Variants in FOXN3 observed in about 807,000 individuals in gnomAD.
The protein encoded by FOXN3 is forkhead box protein N3.
A neutral mutation model predicts 38.4 loss-of-function variants in FOXN3; 7 were observed. That is an observed-to-expected ratio of 0.18 (90% CI 0.10 to 0.34). The LOEUF is 0.34. Ranked by LOEUF, FOXN3 falls within the 10% of genes least tolerant of loss-of-function variation. FOXN3 has a pLI of 1.00. For missense variants in FOXN3, 456 were observed against 613.4 expected, an observed-to-expected ratio of 0.74 and a Z score of 2.71; for synonymous variants, 230 against 242.2, an observed-to-expected ratio of 0.95 and a Z score of 0.47.
intron 1 of FOXN3, among the ~76,000 whole-genome samples, chr14:89,433,665 G>A (rs1001613717): frequency 1.1e-4 from 16 of 151,886 alleles, no homozygotes; most frequent in Admixed American, 4.6e-4. Context: ...TTAGCCAGGC[G>A]TGGTGGCAGG....
chr14:89,298,418 C>G (rs1237724382), intron 3 of FOXN3, among the ~76,000 whole-genome samples: 1 of 147,298 alleles, frequency 6.8e-6, no homozygotes, highest in South Asian at 2.2e-4. Flanking sequence ...TTAAAAATGC[C>G]TGGATGGCGC....
At chr14:89,436,796 T>C (rs1176267863) in intron 1 of FOXN3, among the ~76,000 whole-genome samples, 1 of 152,224 alleles carries the variant, frequency 6.6e-6, no homozygotes, top group Non-Finnish European at 1.5e-5. Context: ...CCAGATTTGA[T>C]AGGAATAAAC....
intron 1 of FOXN3, among the ~76,000 whole-genome samples, chr14:89,435,579 G>A (rs149152308): frequency 2.5e-4 from 38 of 152,234 alleles, no homozygotes; most frequent in African/African-American, 9.1e-4. Flanking sequence ...AACCACCCCA[G>A]ATGCTTCCTT....
intron 4 of FOXN3, among the ~76,000 whole-genome samples, chr14:89,220,182 C>A (rs1033485348): frequency 1.4e-4 from 22 of 152,138 alleles, no homozygotes; most frequent in African/African-American, 4.3e-4. Flanking sequence ...GATTCATTTG[C>A]GGCCTCCCTT....
At chr14:89,305,468 T>C (rs1333674333) in intron 3 of FOXN3, among the ~76,000 whole-genome samples, 1 of 152,186 alleles carries the variant, frequency 6.6e-6, no homozygotes, top group Non-Finnish European at 1.5e-5. Flanking sequence ...CACACTGAGG[T>C]TATATTAGCA....
intron 1 of FOXN3, among the ~76,000 whole-genome samples, chr14:89,524,954 C>G (rs1185311031): frequency 6.6e-6 from 1 of 152,038 alleles, no homozygotes; most frequent in Non-Finnish European, 1.5e-5. Flanking sequence ...AACAAGAGAC[C>G]CTCATAGTTA....
At chr14:89,226,918 G>C (rs1454760479) in intron 4 of FOXN3, among the ~76,000 whole-genome samples, 2 of 152,164 alleles carry the variant, frequency 1.3e-5, no homozygotes, top group Non-Finnish European at 2.9e-5. Context: ...GAGCCTTCGA[G>C]GGGGACACAG....
chr14:89,608,476 A>G (rs1175990644), intron 1 of FOXN3, among the ~76,000 whole-genome samples: 1 of 152,226 alleles, frequency 6.6e-6, no homozygotes, highest in African/African-American at 2.4e-5. Flanking sequence ...TGTTTCATCT[A>G]TCCACAGCAT....
chr14:89,189,087 C>T (rs1188869863), intron 4 of FOXN3, among the ~76,000 whole-genome samples: 1 of 152,110 alleles, frequency 6.6e-6, no homozygotes, highest in Non-Finnish European at 1.5e-5. Context: ...GGCAGAGGAA[C>T]AAGTCTCCCT....
At chr14:89,608,736 T>C (rs1181367213) in intron 1 of FOXN3, among the ~76,000 whole-genome samples, 2 of 152,180 alleles carry the variant, frequency 1.3e-5, no homozygotes, top group Non-Finnish European at 2.9e-5. Flanking sequence ...TGCACTATCA[T>C]AGGCGAAGAA....
At chr14:89,248,635 G>GTGCTGTGCTACGT (rs1885365577) in intron 4 of FOXN3, among the ~76,000 whole-genome samples, 1 of 152,220 alleles carries the variant, frequency 6.6e-6, no homozygotes. Context: ...GTGAGGCAGT[G>GTGCTGTGCTACGT]GAAAACTGCC....
chr14:89,211,302 A>G (rs2139831409), intron 4 of FOXN3, among the ~76,000 whole-genome samples: 1 of 152,372 alleles, frequency 6.6e-6, no homozygotes, highest in East Asian at 1.9e-4. Context: ...CATGTTTATT[A>G]ACTAAAGGTA....
intron 1 of FOXN3, among the ~76,000 whole-genome samples, chr14:89,588,164 CCT>C (rs1895882475): frequency 6.6e-6 from 1 of 152,052 alleles, no homozygotes; most frequent in South Asian, 2.1e-4. Flanking sequence ...GCACCTCCTC[CCT>C]CTCTCTCTTG....
intron 2 of FOXN3, among the ~76,000 whole-genome samples, chr14:89,406,756 C>T (rs1178456280): frequency 1.3e-5 from 2 of 148,150 alleles, no homozygotes; most frequent in Non-Finnish European, 3.0e-5. Flanking sequence ...GTTTTTTGTT[C>T]AAGTAGCAAG....
At chr14:89,524,561 TCAGTA>T (rs1894398975) in intron 1 of FOXN3, among the ~76,000 whole-genome samples, 1 of 151,244 alleles carries the variant, frequency 6.6e-6, no homozygotes, top group Non-Finnish European at 1.5e-5. Flanking sequence ...AAAACTCTCA[TCAGTA>T]TTATTAGGAA....
At position 89,437,403 on chromosome 14, in the gene FOXN3, A is replaced by C. The variant is rs144134216; in HGVS notation, c.-14-24913T>G. 5.6e-4 allele frequency among the ~76,000 whole-genome samples: 85 copies of C among 152,256 alleles called. 1 individual carries two copies. In the East Asian group the frequency reaches 0.014, roughly 25 times the overall value. On this transcript the variant is annotated intron_variant, in intron 1 of 6. Transcript: ENST00000345097. The stretch of plus-strand genomic sequence containing the variant: ...GCCCATTTCTACCTCCAAGGGGGAC[A>C]AATATCTCAACCTTACATCCCCAAG...
intron 1 of FOXN3, among the ~76,000 whole-genome samples, chr14:89,561,175 C>A (rs12884891): frequency 0.21 from 31,930 of 152,164 alleles, 3,934 homozygotes; most frequent in East Asian, 0.42. Flanking sequence ...ACGGTGGCCT[C>A]GGCACATCTT....
intron 1 of FOXN3, among the ~76,000 whole-genome samples, chr14:89,549,725 G>C (rs1894963265): frequency 6.6e-6 from 1 of 152,166 alleles, no homozygotes; most frequent in Admixed American, 6.5e-5. Flanking sequence ...CAGATTCAAG[G>C]CATGGCCAAG....
At chr14:89,303,174 G>A (rs74857341) in intron 3 of FOXN3, among the ~76,000 whole-genome samples, 2,565 of 152,152 alleles carry the variant, frequency 0.017, 16 homozygotes, top group Non-Finnish European at 0.028. Context: ...AGTTGCTCAT[G>A]GTCCCTTGGA....
Sources: allele counts gnomAD v4.1 joint callset (sites outside exome capture counted in the v4.1 genomes callset), GRCh38; gene constraint gnomAD v4.1.1; transcripts MANE v1.5; gene names NCBI Gene and HGNC (gene_info 2026-07-23, HGNC 2026-07-21).